UBE2G2: variants seen among roughly 807,000 people sequenced by gnomAD.
UBE2G2 encodes ubiquitin conjugating enzyme E2 G2.
Under a neutral mutation model 23.0 loss-of-function variants are expected in UBE2G2, and 10 were observed. That is an observed-to-expected ratio of 0.43 (90% CI 0.27 to 0.74). UBE2G2 has a LOEUF of 0.74. Ranked by LOEUF, UBE2G2 falls within the 30% of genes least tolerant of loss-of-function variation. The pLI is 0.19. For synonymous variants in UBE2G2, 86 were observed against 81.3 expected, an observed-to-expected ratio of 1.06 and a Z score of -0.31; for missense variants, 150 against 218.3, an observed-to-expected ratio of 0.69 and a Z score of 1.97.
At chr21:44,793,627 A>G (rs2083062995) in intron 1 of UBE2G2, among the ~76,000 whole-genome samples, 2 of 152,182 alleles carry the variant, frequency 1.3e-5, no homozygotes. Context: ...AATAATATAC[A>G]GTTTCATGTT....
At position 44,770,185 on chromosome 21, in the gene UBE2G2, T is replaced by C. The variant is rs2082862371; in HGVS notation, c.*1192A>G. The stretch of plus-strand genomic sequence containing the variant: ...CTTCTGAATTTTGAGTTGCAAAGAA[T>C]GATTTTGTGCTAATAAATTCCCAGT... On this transcript the variant is annotated 3_prime_UTR_variant, in exon 6 of 6. Transcript: ENST00000345496. 6.6e-6 allele frequency: 1 copy of C among 152,206 alleles called. No individual in the cohort carries two copies. Among genetic ancestry groups the C allele is most frequent in the South Asian group, 2.1e-4 (1 of 4,834 alleles). The allele number at this position is 152,206 out of a possible 1,614,324, so 9.4% of individuals were successfully genotyped here.
chr21:44,800,476 A>G (rs1047549904), intron 1 of UBE2G2: 5 of 152,262 alleles, frequency 3.3e-5, no homozygotes, highest in Non-Finnish European at 4.4e-5. Flanking sequence ...ATTAGGTACT[A>G]TAAGTAACCT....
At position 44,770,023 on chromosome 21, in the gene UBE2G2, C is replaced by T. The variant is rs1210819165; in HGVS notation, c.*1354G>A. On this transcript the variant is annotated 3_prime_UTR_variant, in exon 6 of 6. Transcript: ENST00000345496. ...GCCCTGTTAGAGAACATGGGAACCA[C>T]ATCAAAATCCTAAGTCACAAAACAA... is the stretch of plus-strand genomic sequence containing the variant. The T allele has an allele frequency of 6.6e-6, 1 of 152,248 alleles. No individual in the cohort carries two copies. Among genetic ancestry groups the T allele is most frequent in the Non-Finnish European group, 1.5e-5 (1 of 68,068 alleles). 9.4% of individuals were successfully genotyped at this position (152,248 alleles called of 1,614,324 possible).
chr21:44,771,626 A>G lies in UBE2G2; in HGVS notation c.386-137T>C. 1.1e-6 allele frequency: 1 copy of G among 901,834 alleles called. No individual in the cohort carries two copies. The highest frequency in any genetic ancestry group is 1.6e-5 in the South Asian group (1 of 63,250). The allele number at this position is 901,834 out of a possible 1,614,324, so 55.9% of individuals were successfully genotyped here. ...CAGAAACAAAGAACCTGAGAACTGC[A>G]TGGGGTCGGCCCCACCTCTAGAGTG... On this transcript the variant is annotated intron_variant, in intron 5 of 5. Coordinates refer to ENST00000345496, the MANE Select transcript of UBE2G2 (RefSeq NM_003343.6). This position sits in a 1 kb window ranked among gnomAD's most constrained non-coding sequence, Gnocchi z 4.6.
chr21:44,784,457 G>C (rs886860682), intron 3 of UBE2G2, among the ~76,000 whole-genome samples: 1 of 152,092 alleles, frequency 6.6e-6, no homozygotes, highest in South Asian at 2.1e-4. Flanking sequence ...TCTTCATATA[G>C]GGATCTTTGT....
rs1463231073 is a variant in UBE2G2 at position 44,772,897 on chromosome 21, T to C, written c.385+650A>G. Among the ~76,000 whole-genome samples, 5 of 152,114 alleles carry C rather than the reference T, an allele frequency of 3.3e-5. No homozygotes were observed. The highest frequency in any genetic ancestry group is 9.7e-5 in the African/African-American group (4 of 41,394). ...CTTCGAAGGCACAGCTCACAGGACATCACACCCCCAACTCCAATCCCCAGG... is the reference window on the plus strand; with the variant it reads ...CTTCGAAGGCACAGCTCACAGGACACCACACCCCCAACTCCAATCCCCAGG... On this transcript the variant is annotated intron_variant, in intron 5 of 5. Transcript: ENST00000345496. The surrounding 1 kb of genome is among the most constrained non-coding windows in gnomAD (Gnocchi z 5.4).
chr21:44,776,980 C>T (rs1005250785), intron 4 of UBE2G2: 5 of 223,812 alleles, frequency 2.2e-5, no homozygotes, highest in African/African-American at 1.2e-4. Flanking sequence ...TTACAAATAA[C>T]ACTATGACAA....
In UBE2G2 at chr21:44,781,650, C is replaced by G. The variant is rs538863073; in HGVS notation, c.126-4233G>C. On this transcript the variant is annotated intron_variant, in intron 3 of 5. Transcript: ENST00000345496. The stretch of plus-strand genomic sequence containing the variant: ...TGCACTTTCCTCCAGCACTTGGTCT[C>G]CACCAGGATGACATATTTGACCCTC... Among the ~76,000 whole-genome samples, 6 of 152,304 alleles carry G rather than the reference C, an allele frequency of 3.9e-5. No homozygotes were observed. The South Asian group carries it at 1.2e-3, about 32-fold the overall frequency.
intron 1 of UBE2G2, among the ~76,000 whole-genome samples, chr21:44,798,379 G>A (rs2083110481): frequency 6.6e-6 from 1 of 152,168 alleles, no homozygotes; most frequent in Admixed American, 6.5e-5. Context: ...TTGCCACAGG[G>A]ACTGACTCTT....
intron 1 of UBE2G2, chr21:44,801,155 C>T (rs1873521132): frequency 5.0e-6 from 1 of 201,706 alleles, no homozygotes; most frequent in Non-Finnish European, 8.8e-6. Flanking sequence ...TCTCCTCAGA[C>T]ATTAGAAATA....
In UBE2G2 at chr21:44,773,677, A is replaced by G; in HGVS notation, c.255T>C (p.Asp85=). The G allele has an allele frequency of 6.2e-7, 1 of 1,612,304 alleles. No homozygotes were observed. The highest frequency in any genetic ancestry group is 1.3e-5 in the African/African-American group (1 of 75,066). The part of the protein sequence containing the change: ...CEMFHPNIYP[D]GRVCISILHA... ...GGAGGATGGAAATGCAGACTCTCCC[A>G]TCAGGGTAGACTGCAAGGGTCAGAG... Residue 85 remains aspartate, a synonymous_variant, in exon 5 of 6, where the codon GAT becomes GAC. Coordinates refer to ENST00000345496, the MANE Select transcript of UBE2G2 (RefSeq NM_003343.6).
chr21:44,796,959 T>C (rs1343527717), intron 1 of UBE2G2, among the ~76,000 whole-genome samples: 1 of 152,240 alleles, frequency 6.6e-6, no homozygotes, highest in Non-Finnish European at 1.5e-5. Flanking sequence ...CTTCACTGAC[T>C]GCTTTTGAGC....
chr21:44,799,355 T>C (rs1452984596), intron 1 of UBE2G2, among the ~76,000 whole-genome samples: 1 of 152,254 alleles, frequency 6.6e-6, no homozygotes, highest in Non-Finnish European at 1.5e-5. Context: ...TATGGCATCA[T>C]CTCCTCCCAA....
chr21:44,775,855 G>C (rs2082909082), intron 4 of UBE2G2, among the ~76,000 whole-genome samples: 1 of 152,140 alleles, frequency 6.6e-6, no homozygotes. Context: ...ACACACTCAA[G>C]TAGACAGCGT....
At chr21:44,798,548 T>C (rs560927078) in intron 1 of UBE2G2, among the ~76,000 whole-genome samples, 9 of 152,356 alleles carry the variant, frequency 5.9e-5, no homozygotes, top group Non-Finnish European at 1.2e-4. Context: ...ATTTCAACAA[T>C]GTTCACAGCA....
intron 5 of UBE2G2, among the ~76,000 whole-genome samples, chr21:44,773,111 AG>A (rs546972251): frequency 3.5e-4 from 53 of 152,246 alleles, no homozygotes; most frequent in African/African-American, 1.3e-3. Context: ...CAGCCCCACC[AG>A]GAAGTGGCCC....
chr21:44,787,092 CAA>C (rs11448217), intron 3 of UBE2G2, among the ~76,000 whole-genome samples: 14 of 141,146 alleles, frequency 9.9e-5, no homozygotes, highest in Non-Finnish European at 1.1e-4. Flanking sequence ...AACTCCATCT[CAA>C]AAAAAAAAAA....
chr21:44,790,911 G>A (rs1013544984), intron 1 of UBE2G2, among the ~76,000 whole-genome samples: 5 of 152,208 alleles, frequency 3.3e-5, no homozygotes, highest in Non-Finnish European at 7.3e-5. Context: ...AGGAAGATGT[G>A]GGAAAGTCTG....
At chr21:44,793,698 G>C (rs1601196218) in intron 1 of UBE2G2, among the ~76,000 whole-genome samples, 1 of 152,138 alleles carries the variant, frequency 6.6e-6, no homozygotes, top group Non-Finnish European at 1.5e-5. Flanking sequence ...AATTTTCAGA[G>C]GCCATTCCTT....
Sources: allele counts gnomAD v4.1 joint callset (sites outside exome capture counted in the v4.1 genomes callset), GRCh38; gene constraint gnomAD v4.1.1; non-coding constraint Gnocchi (gnomAD v3.1); transcripts MANE v1.5; gene names NCBI Gene and HGNC (gene_info 2026-07-23, HGNC 2026-07-21).